The following PTPRD variants were observed in gnomAD, a reference collection of about 807,000 sequenced individuals.
The protein encoded by PTPRD is receptor-type tyrosine-protein phosphatase delta.
PTPRD carries 34 observed loss-of-function variants against 214.5 expected under a neutral mutation model. The observed-to-expected ratio is 0.16, with a 90% confidence interval of 0.12 to 0.21. The LOEUF (loss-of-function observed/expected upper bound fraction) is 0.21. PTPRD is among the 10% of genes least tolerant of loss of function. The probability of loss-of-function intolerance (pLI) is 1.00; values close to 1 mark genes in which losing one functional copy is unlikely to be tolerated. For missense variants in PTPRD, 2,545 were observed against 2,398.7 expected (o/e 1.06, Z -1.27); for synonymous variants, 1,128 against 845.7 (o/e 1.33, Z -5.79).
At chr9:9,121,953 A>G (rs2099818038) in intron 10 of PTPRD, among the ~76,000 whole-genome samples, 2 of 152,216 alleles carry the variant, frequency 1.3e-5, no homozygotes, top group Admixed American at 6.5e-5. Context: ...CAAGCCCAAG[A>G]AAAGTTTAAT....
chr9:10,304,224 A>G (rs1210883809), intron 3 of PTPRD, among the ~76,000 whole-genome samples: 6 of 152,182 alleles, frequency 3.9e-5, no homozygotes, highest in Admixed American at 3.9e-4. Flanking sequence ...CCCTTCATGC[A>G]AAAACTCTCA....
rs1427299649 is a variant in PTPRD at position 9,677,225 on chromosome 9, T to C, written c.-287+57308A>G. Reference sequence around the variant, plus strand: ...GCCCATGCCTATGTCCTGAATGGTATTGCCTAGGTTGTCTTCCAGGGTTTT... The same window carrying C: ...GCCCATGCCTATGTCCTGAATGGTACTGCCTAGGTTGTCTTCCAGGGTTTT... On this transcript the variant is annotated intron_variant, in intron 7 of 45. Coordinates refer to ENST00000381196, the MANE Select transcript of PTPRD (RefSeq NM_002839.4). 2.6e-5 allele frequency among the ~76,000 whole-genome samples: 4 copies of C among 152,116 alleles called. No homozygotes were observed. In the East Asian group the frequency reaches 7.7e-4, roughly 29 times the overall value.
intron 8 of PTPRD, among the ~76,000 whole-genome samples, chr9:9,490,940 T>A (rs1374015904): frequency 4.8e-5 from 7 of 147,186 alleles, no homozygotes; most frequent in Admixed American, 1.4e-4. Context: ...ATAAATGTAC[T>A]GTCTAAATGA....
intron 12 of PTPRD, among the ~76,000 whole-genome samples, chr9:8,703,470 T>C (rs111607173): frequency 2.0e-5 from 3 of 152,224 alleles, no homozygotes; most frequent in South Asian, 2.1e-4. Flanking sequence ...TATTACCAAG[T>C]CCAATGGACA....
At chr9:10,145,113 A>G (rs1339127939) in intron 3 of PTPRD, among the ~76,000 whole-genome samples, 1 of 152,128 alleles carries the variant, frequency 6.6e-6, no homozygotes, top group African/African-American at 2.4e-5. Context: ...CCCTGTGACA[A>G]TGAATATTAG....
At chr9:9,098,073 A>T (rs1372558527) in intron 10 of PTPRD, among the ~76,000 whole-genome samples, 2 of 151,714 alleles carry the variant, frequency 1.3e-5, no homozygotes, top group Non-Finnish European at 2.9e-5. Context: ...ATCAAAGTAA[A>T]TATATTTATA....
intron 9 of PTPRD, among the ~76,000 whole-genome samples, chr9:9,331,362 G>C (rs1305906408): frequency 1.3e-5 from 2 of 151,940 alleles, no homozygotes; most frequent in Non-Finnish European, 2.9e-5. Flanking sequence ...TGATTGCCTG[G>C]CTCATTCTTT....
intron 5 of PTPRD, among the ~76,000 whole-genome samples, chr9:9,858,874 A>G (rs1480724781): frequency 1.3e-5 from 2 of 152,146 alleles, no homozygotes; most frequent in Non-Finnish European, 2.9e-5. Context: ...CATCCATTTC[A>G]CAGATATGGA....
intron 8 of PTPRD, among the ~76,000 whole-genome samples, chr9:9,515,955 T>C (rs557326181): frequency 3.9e-5 from 6 of 152,228 alleles, no homozygotes; most frequent in African/African-American, 1.4e-4. Context: ...AGATTTCACA[T>C]TTGGAAGACC....
intron 4 of PTPRD, among the ~76,000 whole-genome samples, chr9:9,954,132 C>A: frequency 6.6e-6 from 1 of 151,042 alleles, no homozygotes; most frequent in Non-Finnish European, 1.5e-5. Flanking sequence ...CCTGTCTCTA[C>A]AAAAAATACA....
intron 2 of PTPRD, among the ~76,000 whole-genome samples, chr9:10,402,010 T>C (rs1018566897): frequency 6.6e-6 from 1 of 151,420 alleles, no homozygotes; most frequent in Non-Finnish European, 1.5e-5. Flanking sequence ...AGAAATCCAA[T>C]TCTAAAATGA....
chr9:9,875,649 C>G (rs2066641098), intron 5 of PTPRD, among the ~76,000 whole-genome samples: 1 of 152,072 alleles, frequency 6.6e-6, no homozygotes, highest in Admixed American at 6.6e-5. Flanking sequence ...TTTGGAAACA[C>G]AGTCTGAAAC....
chr9:8,385,995 T>G (rs1354981400), intron 37 of PTPRD, among the ~76,000 whole-genome samples: 1 of 152,202 alleles, frequency 6.6e-6, no homozygotes, highest in African/African-American at 2.4e-5. Context: ...GAGTGAATTA[T>G]TTGGAGGCTA....
chr9:10,355,657 T>G (rs898611320), intron 2 of PTPRD, among the ~76,000 whole-genome samples: 1 of 152,028 alleles, frequency 6.6e-6, no homozygotes, highest in Non-Finnish European at 1.5e-5. Flanking sequence ...TTTGTATTTT[T>G]AGTAGAGACG....
chr9:9,586,110 G>A (rs2091899460), intron 7 of PTPRD, among the ~76,000 whole-genome samples: 1 of 151,986 alleles, frequency 6.6e-6, no homozygotes, highest in African/African-American at 2.4e-5. Context: ...GCTAGTTGCG[G>A]TGGAGGTGGT....
At chr9:9,079,450 T>C (rs985810415) in intron 10 of PTPRD, among the ~76,000 whole-genome samples, 2 of 152,160 alleles carry the variant, frequency 1.3e-5, no homozygotes, top group African/African-American at 4.8e-5. Context: ...CTATTGTGAA[T>C]AGAGCTGCAG....
At chr9:8,632,141 GTGTGTGTC>G (rs1212634720) in intron 14 of PTPRD, among the ~76,000 whole-genome samples, 209 of 146,446 alleles carry the variant, frequency 1.4e-3, no homozygotes, top group African/African-American at 6.6e-4. Flanking sequence ...GTGTGTGTGT[GTGTGTGTC>G]TGTGTGTGTG....
At chr9:8,827,529 C>G (rs567727716) in intron 11 of PTPRD, among the ~76,000 whole-genome samples, 1 of 152,108 alleles carries the variant, frequency 6.6e-6, no homozygotes, top group African/African-American at 2.4e-5. Flanking sequence ...ATCACTTGAA[C>G]CCAGGAGGCA....
intron 14 of PTPRD, among the ~76,000 whole-genome samples, chr9:8,588,898 C>A (rs931443738): frequency 1.4e-4 from 21 of 151,788 alleles, no homozygotes; most frequent in African/African-American, 4.6e-4. Flanking sequence ...ATTCTTGGAC[C>A]ATATTTCAGA....
Sources: allele counts gnomAD v4.1 joint callset (sites outside exome capture counted in the v4.1 genomes callset), GRCh38; gene constraint gnomAD v4.1.1; transcripts MANE v1.5; gene names NCBI Gene and HGNC (gene_info 2026-07-23, HGNC 2026-07-21).